The following CEP63 variants were observed in gnomAD, a reference collection of about 807,000 sequenced individuals.
The protein encoded by CEP63 is centrosomal protein of 63 kDa.
A neutral mutation model predicts 89.1 loss-of-function variants in CEP63; 84 were observed. The ratio of observed to expected loss-of-function variants is 0.94; its 90% CI spans 0.79 to 1.13. CEP63 has a LOEUF of 1.13. CEP63 is among the 50% of genes most tolerant of loss of function. The probability of loss-of-function intolerance (pLI) is 0.00; values close to 1 mark genes in which losing one functional copy is unlikely to be tolerated. For synonymous variants in CEP63, 267 were observed against 272.5 expected (o/e 0.98, Z 0.20); for missense variants, 838 against 813.3 (o/e 1.03, Z -0.37).
At chr3:134,658,570 C>G in the CEP63 span, among the ~76,000 whole-genome samples, 1 of 152,152 alleles carries the variant, frequency 6.6e-6, no homozygotes, top group African/African-American at 2.4e-5. Flanking sequence ...ATGTTTGAAT[C>G]AAATTGGACA....
chr3:134,715,498 T>A, the CEP63 span, among the ~76,000 whole-genome samples: 3 of 149,088 alleles, frequency 2.0e-5, no homozygotes, highest in African/African-American at 7.4e-5. Context: ...GCCAGAAGGG[T>A]TGTGCAGCCA....
At chr3:134,609,503 G>A in the CEP63 span, among the ~76,000 whole-genome samples, 1 of 152,146 alleles carries the variant, frequency 6.6e-6, no homozygotes, top group Non-Finnish European at 1.5e-5. Flanking sequence ...GATTTAAGGT[G>A]CAAAAATCGA....
chr3:134,664,341 T>C, the CEP63 span, among the ~76,000 whole-genome samples: 1 of 152,042 alleles, frequency 6.6e-6, no homozygotes, highest in East Asian at 1.9e-4. Flanking sequence ...CAATGCAGAG[T>C]GTGCCCTCAG....
At chr3:134,604,209 C>A in the CEP63 span, 1 of 1,612,886 alleles carries the variant, frequency 6.2e-7, no homozygotes, top group Admixed American at 1.7e-5. Flanking sequence ...AGCTGGGGCC[C>A]ACGGGCTGGT....
chr3:134,528,765 G>T (rs1949259874), intron 3 of CEP63, among the ~76,000 whole-genome samples: 1 of 151,970 alleles, frequency 6.6e-6, no homozygotes, highest in South Asian at 2.1e-4. Context: ...AAAAGCTATT[G>T]CTCATTTCTG....
At chr3:134,770,273 A>G in the CEP63 span, among the ~76,000 whole-genome samples, 2 of 152,222 alleles carry the variant, frequency 1.3e-5, no homozygotes, top group Admixed American at 6.5e-5. Flanking sequence ...TCTCAAATCT[A>G]TGTTTTTAAT....
the CEP63 span, chr3:134,608,754 G>C: frequency 1.2e-6 from 2 of 1,614,028 alleles, no homozygotes; most frequent in South Asian, 2.2e-5. Context: ...GATTGAGGAG[G>C]TTTTAGCAGC....
At chr3:134,697,581 G>A in the CEP63 span, among the ~76,000 whole-genome samples, 2 of 152,172 alleles carry the variant, frequency 1.3e-5, no homozygotes, top group Middle Eastern at 3.2e-3. Context: ...AGGTGCTGGA[G>A]TGTTCCCAGC....
At chr3:134,618,825 C>T in the CEP63 span, among the ~76,000 whole-genome samples, 5 of 152,210 alleles carry the variant, frequency 3.3e-5, no homozygotes, top group African/African-American at 1.2e-4. Context: ...TCACTGTCCT[C>T]CCGCTCCCAG....
chr3:134,670,165 T>G, the CEP63 span, among the ~76,000 whole-genome samples: 2 of 152,184 alleles, frequency 1.3e-5, no homozygotes, highest in Non-Finnish European at 2.9e-5. Flanking sequence ...CAATAATAAT[T>G]TACTATAGCA....
the CEP63 span, chr3:134,606,861 T>G: frequency 2.7e-5 from 25 of 927,704 alleles, no homozygotes; most frequent in Non-Finnish European, 3.2e-5. Context: ...TCCTAGAGCC[T>G]GGCAGCTTTC....
At chr3:134,640,573 C>T in the CEP63 span, among the ~76,000 whole-genome samples, 1 of 151,956 alleles carries the variant, frequency 6.6e-6, no homozygotes, top group South Asian at 2.1e-4. Flanking sequence ...CGGTGTGGTT[C>T]GCAGAACAGA....
At chr3:134,607,653 T>A in the CEP63 span, 24 of 985,556 alleles carry the variant, frequency 2.4e-5, no homozygotes, top group Admixed American at 6.1e-5. Context: ...AAGGCCCTGC[T>A]TTTTTGTGAC....
At chr3:134,653,381 C>G in the CEP63 span, among the ~76,000 whole-genome samples, 4 of 152,208 alleles carry the variant, frequency 2.6e-5, no homozygotes, top group African/African-American at 9.6e-5. Context: ...GGAGTCACCT[C>G]GACTGCTCTG....
At chr3:134,534,758 G>T (rs1363519792) in intron 5 of CEP63, among the ~76,000 whole-genome samples, 1 of 152,064 alleles carries the variant, frequency 6.6e-6, no homozygotes, top group Non-Finnish European at 1.5e-5. Context: ...CCTCAAATGG[G>T]TCCTAATGCT....
Position 134,538,549 on chromosome 3 carries a change from A to ATATATATATG in CEP63, c.555+1286_555+1287insATATGTATAT, listed in dbSNP as rs1402834818. On this transcript the variant is annotated intron_variant, in intron 6 of 14. Coordinates refer to ENST00000675561, the MANE Select transcript of CEP63 (RefSeq NM_001353108.3). ...TGTGTGTGTGTATATATATATATAT[A>ATATATATATG]TATATGTATATATATATTTTTTTAA... Among the ~76,000 whole-genome samples, 33 of 141,108 alleles carry ATATATATATG rather than the reference A, an allele frequency of 2.3e-4. 2 individuals carry two copies. Among genetic ancestry groups the ATATATATATG allele is most frequent in the Non-Finnish European group, 3.2e-4 (21 of 64,698 alleles). 92.6% of individuals were successfully genotyped at this position (141,108 alleles called of 152,430 possible). A position where few individuals can be genotyped will look rare whatever the true frequency, so the allele number is the denominator to read the frequency against.
At chr3:134,774,283 A>T in the CEP63 span, among the ~76,000 whole-genome samples, 1 of 152,208 alleles carries the variant, frequency 6.6e-6, no homozygotes, top group Non-Finnish European at 1.5e-5. Flanking sequence ...ATGCTCAGTC[A>T]CACAGCCAAG....
At chr3:134,591,714 CA>C (rs113053218), downstream of CEP63, among the ~76,000 whole-genome samples, 2,617 of 70,618 alleles carry the variant, frequency 0.037, 61 homozygotes, top group African/African-American at 0.11. Context: ...ACAAAAACAA[CA>C]AAAAAAACAA....
intron 2 of CEP63, among the ~76,000 whole-genome samples, chr3:134,500,317 C>T (rs1307318009): frequency 6.6e-6 from 1 of 152,062 alleles, no homozygotes; most frequent in Non-Finnish European, 1.5e-5. Context: ...TGTATATGTA[C>T]TACATTTTCT....
Sources: allele counts gnomAD v4.1 joint callset (sites outside exome capture counted in the v4.1 genomes callset), GRCh38; gene constraint gnomAD v4.1.1; transcripts MANE v1.5; gene names NCBI Gene and HGNC (gene_info 2026-07-23, HGNC 2026-07-21).